The following ZHX2 variants were observed in gnomAD, a reference collection of about 807,000 sequenced individuals.
ZHX2 encodes zinc fingers and homeoboxes protein 2.
A neutral mutation model predicts 21.9 loss-of-function variants in ZHX2; 6 were observed. The ratio of observed to expected loss-of-function variants is 0.27; its 90% CI spans 0.15 to 0.54. The LOEUF (loss-of-function observed/expected upper bound fraction) is 0.54. Among genes scored for constraint, ZHX2 ranks in the 20% least tolerant of loss-of-function variants. The pLI is 0.95. For missense variants in ZHX2, 908 were observed against 1,090.7 expected (o/e 0.83, Z 2.36); for synonymous variants, 434 against 437.1 (o/e 0.99, Z 0.09).
intron 2 of ZHX2, among the ~76,000 whole-genome samples, chr8:122,890,162 A>C (rs1007147244): frequency 6.6e-6 from 1 of 152,130 alleles, no homozygotes; most frequent in African/African-American, 2.4e-5. Flanking sequence ...ATCTAGTTTC[A>C]TTCTTCTGTG....
intron 1 of ZHX2, among the ~76,000 whole-genome samples, chr8:122,830,412 G>A (rs4871312): frequency 0.13 from 20,277 of 152,142 alleles, 1,514 homozygotes; most frequent in East Asian, 0.22. Context: ...ATCCCCTTAA[G>A]CTTTCAGGCC....
intron 1 of ZHX2, among the ~76,000 whole-genome samples, chr8:122,789,727 G>A (rs1221836560): frequency 6.6e-6 from 1 of 152,230 alleles, no homozygotes; most frequent in Non-Finnish European, 1.5e-5. Context: ...ACATTAAGGG[G>A]AAAAGATGGG....
At position 122,952,922 on chromosome 8, in the gene ZHX2, G is replaced by A. The variant is rs768362732; in HGVS notation, c.1412G>A (p.Arg471Gln). The change falls in exon 3 of 4, where the codon CGG becomes CAG. Residue 471 changes from arginine (R) to glutamine (Q), a missense_variant. By Grantham distance (43) the Arg-to-Gln change is conservative. Coordinates refer to ENST00000314393, the MANE Select transcript of ZHX2 (RefSeq NM_014943.5). This position sits in a 1 kb window ranked among gnomAD's most constrained non-coding sequence, Gnocchi z 6.9. Reference protein sequence around the residue: ...SQFPDDAEVYRLIEVTGLARS... With the variant: ...SQFPDDAEVYQLIEVTGLARS... ...TTCCCTGACGATGCCGAGGTTTACC[G>A]GCTCATCGAGGTGACTGGCCTTGCC... 6.2e-6 allele frequency: 10 copies of A among 1,613,994 alleles called. No homozygotes were observed. Among genetic ancestry groups the A allele is most frequent in the South Asian group, 2.2e-5 (2 of 91,080 alleles).
intron 3 of ZHX2, among the ~76,000 whole-genome samples, chr8:122,956,583 C>G (rs1370013768): frequency 6.6e-6 from 1 of 151,902 alleles, no homozygotes; most frequent in African/African-American, 2.4e-5. Context: ...AGGCCAAAGT[C>G]CAGAGACAAG....
chr8:122,921,648 AAGAG>A (rs376224475), intron 2 of ZHX2, among the ~76,000 whole-genome samples: 7 of 149,318 alleles, frequency 4.7e-5, no homozygotes, highest in East Asian at 2.0e-4. Flanking sequence ...CCCATCAAGA[AAGAG>A]AGAGAGAGAG....
At chr8:122,854,494 A>C (rs956069604) in intron 1 of ZHX2, among the ~76,000 whole-genome samples, 3 of 151,974 alleles carry the variant, frequency 2.0e-5, no homozygotes, top group African/African-American at 7.3e-5. Flanking sequence ...GCAGCCCTCC[A>C]CCTTGCTCCC....
At chr8:122,898,869 G>A (rs1247415921) in intron 2 of ZHX2, among the ~76,000 whole-genome samples, 2 of 152,224 alleles carry the variant, frequency 1.3e-5, no homozygotes, top group Non-Finnish European at 2.9e-5. Context: ...GCCCAGGCAG[G>A]CCAGCCCCCA....
chr8:122,795,094 A>G (rs1408670117), intron 1 of ZHX2, among the ~76,000 whole-genome samples: 1 of 152,166 alleles, frequency 6.6e-6, no homozygotes, highest in Non-Finnish European at 1.5e-5. Context: ...GCTCAAAATT[A>G]ATGTCTGTGG....
At chr8:122,916,080 C>T (rs1234853806) in intron 2 of ZHX2, among the ~76,000 whole-genome samples, 1 of 152,232 alleles carries the variant, frequency 6.6e-6, no homozygotes, top group South Asian at 2.1e-4. Flanking sequence ...TGGGTTTCAA[C>T]GGCCTGCCTT....
chr8:122,878,941 C>T (rs1391145919), intron 2 of ZHX2, among the ~76,000 whole-genome samples: 2 of 152,160 alleles, frequency 1.3e-5, no homozygotes, highest in East Asian at 1.9e-4. Flanking sequence ...CCACCCCACA[C>T]CTGATCCCTG....
chr8:122,962,487 G>C (rs554482857), intron 3 of ZHX2, among the ~76,000 whole-genome samples: 2 of 152,062 alleles, frequency 1.3e-5, no homozygotes, highest in African/African-American at 4.8e-5. Flanking sequence ...AGTATTCCAT[G>C]GTATATACAT....
At chr8:122,830,380 C>A (rs1159865434) in intron 1 of ZHX2, among the ~76,000 whole-genome samples, 1 of 152,138 alleles carries the variant, frequency 6.6e-6, no homozygotes, top group East Asian at 1.9e-4. Context: ...TGGGACTGGG[C>A]CTGAGAAGGG....
intron 1 of ZHX2, among the ~76,000 whole-genome samples, chr8:122,844,569 T>C (rs1818711073): frequency 6.6e-6 from 1 of 152,194 alleles, no homozygotes; most frequent in African/African-American, 2.4e-5. Flanking sequence ...GGTAACTTGC[T>C]GGAGGTCACA....
chr8:122,799,175 A>G (rs892110046), intron 1 of ZHX2, among the ~76,000 whole-genome samples: 1 of 152,208 alleles, frequency 6.6e-6, no homozygotes, highest in Admixed American at 6.5e-5. Flanking sequence ...CCTTTTGATC[A>G]TAAGCCTCTT....
intron 2 of ZHX2, among the ~76,000 whole-genome samples, chr8:122,897,222 T>C (rs780713600): frequency 8.5e-5 from 13 of 152,246 alleles, no homozygotes; most frequent in Non-Finnish European, 1.9e-4. Flanking sequence ...TGTCTCACAC[T>C]TGCTAGTTAT....
At chr8:122,787,551 C>CA (rs1274776455) in intron 1 of ZHX2, among the ~76,000 whole-genome samples, 1 of 152,212 alleles carries the variant, frequency 6.6e-6, no homozygotes, top group Non-Finnish European at 1.5e-5. Context: ...GTTTATCTTT[C>CA]AGAGAGAAAT....
intron 1 of ZHX2, among the ~76,000 whole-genome samples, chr8:122,858,312 A>G (rs372513885): frequency 6.6e-6 from 1 of 152,310 alleles, no homozygotes; most frequent in East Asian, 1.9e-4. Context: ...TTTGCTGAAT[A>G]AGAAGTGGAA....
At chr8:122,789,829 T>C (rs996437961) in intron 1 of ZHX2, among the ~76,000 whole-genome samples, 1 of 151,006 alleles carries the variant, frequency 6.6e-6, no homozygotes, top group Admixed American at 6.6e-5. Flanking sequence ...AACTGCCTGT[T>C]ACTTTCTTCT....
rs191582589 is a variant in ZHX2 at position 122,927,587 on chromosome 8, G to A, written c.-219-23705G>A. Among the ~76,000 whole-genome samples, 348 of 152,286 alleles carry A rather than the reference G, an allele frequency of 2.3e-3. 1 individual carries two copies. The highest frequency in any genetic ancestry group is 7.9e-3 in the African/African-American group (330 of 41,556). On this transcript the variant is annotated intron_variant, in intron 2 of 3. Transcript: ENST00000314393. ...TGGCTGGGGAGACCTCACAATCATGGCGAAAGAGCAAGGGACATCTTACAT... is the reference window on the plus strand; with the variant it reads ...TGGCTGGGGAGACCTCACAATCATGACGAAAGAGCAAGGGACATCTTACAT...
Sources: allele counts gnomAD v4.1 joint callset (sites outside exome capture counted in the v4.1 genomes callset), GRCh38; gene constraint gnomAD v4.1.1; non-coding constraint Gnocchi (gnomAD v3.1); transcripts MANE v1.5; gene names NCBI Gene and HGNC (gene_info 2026-07-23, HGNC 2026-07-21).